Variants in CCDC172 observed in about 807,000 individuals in gnomAD.
The protein encoded by CCDC172 is coiled-coil domain-containing protein 172.
In CCDC172, 30 loss-of-function variants were observed where a neutral mutation model predicts 38.0. The observed-to-expected ratio is 0.79, with a 90% CI of 0.59 to 1.07. The LOEUF (loss-of-function observed/expected upper bound fraction) is 1.07. CCDC172 is among the 50% of genes least tolerant of loss of function. CCDC172 has a pLI of 0.00. For missense variants in CCDC172, 297 were observed against 290.1 expected, an observed-to-expected ratio of 1.02 and a Z score of -0.17; for synonymous variants, 78 against 88.3, an observed-to-expected ratio of 0.88 and a Z score of 0.66.
chr10:116,333,052 C>T (rs1844685378), intron 3 of CCDC172, among the ~76,000 whole-genome samples: 1 of 151,994 alleles, frequency 6.6e-6, no homozygotes, highest in Non-Finnish European at 1.5e-5. Flanking sequence ...TCCTTCCTTG[C>T]TCTTGTTTTC....
At chr10:116,333,756 A>C (rs1428063444) in intron 3 of CCDC172, among the ~76,000 whole-genome samples, 3 of 152,146 alleles carry the variant, frequency 2.0e-5, no homozygotes, top group African/African-American at 7.2e-5. Context: ...GCTTTGGAGG[A>C]ATAGGAGTTT....
At chr10:116,325,463 T>G in intron 3 of CCDC172, 75 bp downstream of exon 3, 1 of 1,152,008 alleles carries the variant, frequency 8.7e-7, no homozygotes, top group Non-Finnish European at 1.3e-6. Context: ...GATATTTCAG[T>G]GTTTAACCAG....
intron 6 of CCDC172, 43 bp from the exon 7 acceptor site, chr10:116,357,793 G>A: frequency 9.5e-7 from 1 of 1,048,100 alleles, no homozygotes; most frequent in Non-Finnish European, 1.4e-6. Flanking sequence ...TAATCTTTAT[G>A]TTTAATTTTC....
chr10:116,348,204 G>C (rs1003125066), intron 5 of CCDC172, among the ~76,000 whole-genome samples: 1 of 152,046 alleles, frequency 6.6e-6, no homozygotes, highest in African/African-American at 2.4e-5. Context: ...TGGTGGTGGA[G>C]AAAGAAGTTG....
Position 116,379,516 on chromosome 10 carries a change from G to A in CCDC172, c.*158G>A, listed in dbSNP as rs183185667. The A allele has an allele frequency of 4.6e-6, 2 of 434,108 alleles. No individual in the cohort carries two copies. Among genetic ancestry groups the A allele is most frequent in the African/African-American group, 4.1e-5 (2 of 48,674 alleles). 26.9% of individuals were successfully genotyped at this position (434,108 alleles called of 1,614,324 possible). On this transcript the variant is annotated 3_prime_UTR_variant, in exon 9 of 9. Transcript: ENST00000333254. ...GTTATTATCTAGAAATGATGTGTTA[G>A]CCCTTTAAGATAATTTTTGTCTTGT...
chr10:116,379,262 T>C (rs1845283873), intron 8 of CCDC172, 61 bp from the exon 9 acceptor site: 3 of 912,558 alleles, frequency 3.3e-6, no homozygotes, highest in African/African-American at 3.5e-5. Context: ...GTACATTTTA[T>C]GTAATTATTT....
intron 5 of CCDC172, among the ~76,000 whole-genome samples, chr10:116,342,945 CT>C (rs771462500): frequency 6.6e-6 from 1 of 152,192 alleles, no homozygotes; most frequent in East Asian, 1.9e-4. Context: ...GAACCATGAG[CT>C]AAGTAAATCT....
chr10:116,329,547 T>C (rs984220865), intron 3 of CCDC172, among the ~76,000 whole-genome samples: 1 of 152,220 alleles, frequency 6.6e-6, no homozygotes, highest in African/African-American at 2.4e-5. Flanking sequence ...AGCCTAAGTC[T>C]CTGCTCAGTT....
intron 3 of CCDC172, among the ~76,000 whole-genome samples, chr10:116,327,186 T>G (rs1169009694): frequency 6.6e-6 from 1 of 152,132 alleles, no homozygotes; most frequent in Non-Finnish European, 1.5e-5. Context: ...GTAAATGACT[T>G]GTCCACGATA....
intron 5 of CCDC172, among the ~76,000 whole-genome samples, chr10:116,352,161 GATTAA>G (rs1187527640): frequency 6.6e-6 from 1 of 152,078 alleles, no homozygotes; most frequent in Non-Finnish European, 1.5e-5. Flanking sequence ...TTAATAGAAG[GATTAA>G]ATTAAATTAA....
intron 7 of CCDC172, among the ~76,000 whole-genome samples, chr10:116,374,246 G>A (rs2134971828): frequency 6.6e-6 from 1 of 152,130 alleles, no homozygotes; most frequent in Non-Finnish European, 1.5e-5. Context: ...ATTCATATAT[G>A]CCAAAAAGAA....
intron 3 of CCDC172, among the ~76,000 whole-genome samples, chr10:116,334,177 T>G (rs191904143): frequency 3.5e-4 from 54 of 152,336 alleles, no homozygotes; most frequent in Non-Finnish European, 5.7e-4. Context: ...AATGTTCTTT[T>G]CGTTCTGAGC....
intron 5 of CCDC172, among the ~76,000 whole-genome samples, chr10:116,346,145 A>C (rs977066697): frequency 1.3e-5 from 2 of 152,026 alleles, no homozygotes; most frequent in African/African-American, 4.8e-5. Context: ...CCAAAAAATT[A>C]GCCGGGCGTG....
chr10:116,362,172 C>T (rs897074319), intron 7 of CCDC172, among the ~76,000 whole-genome samples: 1 of 152,102 alleles, frequency 6.6e-6, no homozygotes, highest in Non-Finnish European at 1.5e-5. Context: ...TCTGACACCC[C>T]AAGTGTGACT....
intron 7 of CCDC172, among the ~76,000 whole-genome samples, chr10:116,369,626 G>A (rs544335079): frequency 1.3e-5 from 2 of 152,068 alleles, no homozygotes; most frequent in South Asian, 4.1e-4. Flanking sequence ...CATATGAATA[G>A]ACACTTAAAT....
chr10:116,354,877 G>T (rs1203429843), intron 5 of CCDC172, among the ~76,000 whole-genome samples: 2 of 152,166 alleles, frequency 1.3e-5, no homozygotes, highest in East Asian at 3.9e-4. Flanking sequence ...CCTTGTGTAG[G>T]CCTAGGCTAA....
In CCDC172 at chr10:116,344,318, A is replaced by C. The variant is rs377001756; in HGVS notation, c.448+2117A>C. Among the ~76,000 whole-genome samples the C allele has an allele frequency of 3.3e-5, 5 of 152,212 alleles. No homozygotes were observed. The East Asian group carries it at 7.7e-4, about 23-fold the overall frequency. ...AAACCTGGATGGGATAACCTATTACACACCTGGGCTATATGGTATAGCCTA... is the reference window on the plus strand; with the variant it reads ...AAACCTGGATGGGATAACCTATTACCCACCTGGGCTATATGGTATAGCCTA... On this transcript the variant is annotated intron_variant, in intron 5 of 8. Transcript: ENST00000333254.
At position 116,326,854 on chromosome 10, in the gene CCDC172, C is replaced by T. The variant is rs189486527; in HGVS notation, c.165+1466C>T. Among the ~76,000 whole-genome samples the T allele has an allele frequency of 2.1e-4, 32 of 152,180 alleles. No individual in the cohort carries two copies. The East Asian group carries it at 2.9e-3, about 14-fold the overall frequency. ...GAGTCTTTTAAAATAGAATTTGTAACGGTTATTCAGTGAGATCCTTCCTCC... is the reference window on the plus strand; with the variant it reads ...GAGTCTTTTAAAATAGAATTTGTAATGGTTATTCAGTGAGATCCTTCCTCC... On this transcript the variant is annotated intron_variant, in intron 3 of 8. Transcript: ENST00000333254.
chr10:116,342,026 T>C lies in CCDC172; in HGVS notation c.283-10T>C, dbSNP rs1844800948. Reference sequence around the variant, plus strand: ...ACACCTATATTTGATCTTTTATTTATGTTTTTCAGGAGGCTATAAAGAAAC... The same window carrying C: ...ACACCTATATTTGATCTTTTATTTACGTTTTTCAGGAGGCTATAAAGAAAC... On this transcript the variant is annotated splice_polypyrimidine_tract_variant and intron_variant, in intron 4 of 8. Transcript: ENST00000333254. 1 of 1,458,804 alleles carries C rather than the reference T, an allele frequency of 6.9e-7. No homozygotes were observed. The allele number at this position is 1,458,804 out of a possible 1,614,324, so 90.4% of individuals were successfully genotyped here.
Sources: allele counts gnomAD v4.1 joint callset (sites outside exome capture counted in the v4.1 genomes callset), GRCh38; gene constraint gnomAD v4.1.1; transcripts MANE v1.5; gene names NCBI Gene and HGNC (gene_info 2026-07-23, HGNC 2026-07-21).